The following ZBTB10 variants were observed in gnomAD, a reference collection of about 807,000 sequenced individuals.
The protein encoded by ZBTB10 is zinc finger and BTB domain-containing protein 10.
ZBTB10 carries 32 observed loss-of-function variants against 76.4 expected under a neutral mutation model. The ratio of observed to expected loss-of-function variants is 0.42; its 90% CI spans 0.32 to 0.56. The LOEUF is 0.56. Among genes scored for constraint, ZBTB10 ranks in the 20% least tolerant of loss-of-function variants. The pLI, the probability that ZBTB10 is intolerant of heterozygous loss-of-function variation, is 0.14. For missense variants in ZBTB10, 1,057 were observed against 1,098.5 expected (o/e 0.96, Z 0.53); for synonymous variants, 523 against 432.9 (o/e 1.21, Z -2.58).
In ZBTB10 at chr8:80,518,514, C is replaced by T; in HGVS notation, c.2072C>T (p.Ala691Val). ...NDFKYGLIPG[A>V]SNDFKYGLLP... ...TTCAAGTATGGATTGATACCAGGTG[C>T]TTCAAATGATTTCAAGTATGGATTA... The change falls in exon 4 of 6, where the codon GCT (alanine) becomes GTT (valine). Residue 691 changes from alanine to valine, a missense_variant. Physicochemically the swap from Ala to Val is moderately conservative, Grantham distance 64 (BLOSUM62 0). Transcript: ENST00000455036. 1 of 1,553,288 alleles carries T rather than the reference C, an allele frequency of 6.4e-7. No individual in the cohort carries two copies. Among genetic ancestry groups the T allele is most frequent in the Non-Finnish European group, 8.7e-7 (1 of 1,147,916 alleles).
In ZBTB10 at chr8:80,486,484, G is replaced by C. The variant is rs941731296; in HGVS notation, c.-327G>C. ...TCCGCTGCTCAACTTCGAAGGCCTC[G>C]CTCGCTGCAGGCTCGCTCCTCACCT... On this transcript the variant is annotated 5_prime_UTR_variant, in exon 1 of 6. Transcript: ENST00000455036. The C allele has an allele frequency of 2.0e-6, 2 of 985,194 alleles. No homozygotes were observed. Among genetic ancestry groups the C allele is most frequent in the Admixed American group, 1.2e-4 (2 of 16,288 alleles). The allele number at this position is 985,194 out of a possible 1,614,324, so 61.0% of individuals were successfully genotyped here.
At chr8:80,507,269 C>T (rs1310267481) in intron 2 of ZBTB10, among the ~76,000 whole-genome samples, 1 of 150,514 alleles carries the variant, frequency 6.6e-6, no homozygotes. Context: ...GACCATGCCA[C>T]TGCACTCCAG....
At position 80,489,580 on chromosome 8, in the gene ZBTB10, CAGA is replaced by C. The variant is rs1162160233; in HGVS notation, c.972+1804_972+1806del. Reference sequence around the variant, plus strand: ...TTAGCTCCTTTAGTGAACCTGAAATCAGAAGAAGGGGCATTAATTGGATAACCT... The same window carrying C: ...TTAGCTCCTTTAGTGAACCTGAAATCAGAAGGGGCATTAATTGGATAACCT... On this transcript the variant is annotated intron_variant, in intron 1 of 5. Coordinates refer to ENST00000455036, the MANE Select transcript of ZBTB10 (RefSeq NM_001105539.3). Among the ~76,000 whole-genome samples the C allele has an allele frequency of 3.3e-5, 5 of 152,158 alleles. No homozygotes were observed. The East Asian group carries it at 5.8e-4, about 18-fold the overall frequency.
chr8:80,500,134 G>C lies in ZBTB10; in HGVS notation c.1613G>C (p.Trp538Ser). The C allele has an allele frequency of 1.9e-6, 3 of 1,613,828 alleles. No homozygotes were observed. The highest frequency in any genetic ancestry group is 1.1e-5 in the South Asian group (1 of 91,052). ...IENYQMNDSS[W>S]VQDGSPEMAE... ...AACTACCAAATGAATGACAGTAGTT[G>C]GGTCCAGGATGGATCTCCTGAAATG... The change falls in exon 2 of 6, where the codon TGG (tryptophan) becomes TCG (serine). Residue 538 changes from tryptophan (W) to serine (S), a missense_variant. Trp to Ser is a radical substitution (Grantham distance 177). Transcript: ENST00000455036.
chr8:80,507,364 G>A (rs1245480588), intron 2 of ZBTB10, among the ~76,000 whole-genome samples: 2 of 151,816 alleles, frequency 1.3e-5, no homozygotes, highest in Admixed American at 1.3e-4. Flanking sequence ...TGTAATCCCA[G>A]CACTTTGGGA....
intron 1 of ZBTB10, among the ~76,000 whole-genome samples, chr8:80,498,781 T>C (rs1815850225): frequency 6.6e-6 from 1 of 152,224 alleles, no homozygotes; most frequent in Non-Finnish European, 1.5e-5. Flanking sequence ...TGAATACCTG[T>C]ATGATAAGAA....
chr8:80,497,467 T>C (rs1402780388), intron 1 of ZBTB10, among the ~76,000 whole-genome samples: 15 of 124,068 alleles, frequency 1.2e-4, no homozygotes, highest in Admixed American at 7.8e-4. Flanking sequence ...AACATTATTA[T>C]ATGGTGGGGG....
intron 1 of ZBTB10, among the ~76,000 whole-genome samples, chr8:80,491,754 T>C (rs1057107678): frequency 2.0e-5 from 3 of 152,250 alleles, no homozygotes; most frequent in Non-Finnish European, 4.4e-5. Context: ...TTAAAATTCC[T>C]TAATAACAGT....
At chr8:80,511,406 C>G (rs1290607122) in intron 2 of ZBTB10, among the ~76,000 whole-genome samples, 5 of 152,118 alleles carry the variant, frequency 3.3e-5, no homozygotes, top group African/African-American at 1.2e-4. Context: ...AAGACATGTC[C>G]TTGAACAGAC....
intron 3 of ZBTB10, among the ~76,000 whole-genome samples, chr8:80,516,069 A>G (rs1816318372): frequency 6.6e-6 from 1 of 152,106 alleles, no homozygotes; most frequent in Non-Finnish European, 1.5e-5. Context: ...TCAGTTTACA[A>G]ATGGTTTTAG....
chr8:80,485,768 C>T, upstream of ZBTB10: 1 of 1,533,212 alleles, frequency 6.5e-7, no homozygotes, highest in South Asian at 1.2e-5. Context: ...TGGGCACCGC[C>T]ACCCACCCTC....
rs914760539 is a variant in ZBTB10 at position 80,487,863 on chromosome 8, CG to C, written c.972+82del. 55 of 1,440,120 alleles carry C rather than the reference CG, an allele frequency of 3.8e-5. No homozygotes were observed. The African/African-American group carries it at 6.6e-4, about 17-fold the overall frequency. The allele number at this position is 1,440,120 out of a possible 1,614,324, so 89.2% of individuals were successfully genotyped here. ...CACTCCCTTCACCCCCACCCACCCC[CG>C]AAAAAAAACCTCAAAACCATTTTCC... On this transcript the variant is annotated intron_variant, in intron 1 of 5. Coordinates refer to ENST00000455036, the MANE Select transcript of ZBTB10 (RefSeq NM_001105539.3).
At chr8:80,518,734 TTC>T in intron 4 of ZBTB10, 46 bp from the exon 5 acceptor site, 2 of 1,535,338 alleles carry the variant, frequency 1.3e-6, no homozygotes, top group Middle Eastern at 2.1e-4. Context: ...ATAGCAAGTT[TTC>T]TGTTTAATGT....
At chr8:80,513,555 G>A (rs1031913416) in intron 2 of ZBTB10, among the ~76,000 whole-genome samples, 1 of 152,174 alleles carries the variant, frequency 6.6e-6, no homozygotes, top group Non-Finnish European at 1.5e-5. Context: ...TGAGCGTCAA[G>A]TACCATAATT....
chr8:80,512,034 G>C (rs1585858401), intron 2 of ZBTB10, among the ~76,000 whole-genome samples: 1 of 151,910 alleles, frequency 6.6e-6, no homozygotes, highest in Middle Eastern at 3.4e-3. Context: ...TTAAGGATTG[G>C]GCAAAGGAGT....
chr8:80,490,905 A>G (rs930528628), intron 1 of ZBTB10, among the ~76,000 whole-genome samples: 11 of 152,182 alleles, frequency 7.2e-5, no homozygotes, highest in East Asian at 1.9e-4. Context: ...AAAAATTACT[A>G]TCGCCTGGTG....
rs892959504 is a variant in ZBTB10, at chr8:80,525,585, G to C, written c.*6057G>C. The C allele has an allele frequency of 6.6e-6, 1 of 152,150 alleles. No homozygotes were observed. The highest frequency in any genetic ancestry group is 2.4e-5 in the African/African-American group (1 of 41,448). The allele number at this position is 152,150 out of a possible 1,614,324, so 9.4% of individuals were successfully genotyped here. On this transcript the variant is annotated 3_prime_UTR_variant, in exon 6 of 6. Coordinates refer to ENST00000455036, the MANE Select transcript of ZBTB10 (RefSeq NM_001105539.3). ...TATTGTAGAATTATTTAGGTTGAAAGAGACTGTAAGAGACTAATGAAGCAT... is the reference window on the plus strand; with the variant it reads ...TATTGTAGAATTATTTAGGTTGAAACAGACTGTAAGAGACTAATGAAGCAT...
chr8:80,509,625 C>T (rs1816140964), intron 2 of ZBTB10, among the ~76,000 whole-genome samples: 1 of 151,982 alleles, frequency 6.6e-6, no homozygotes, highest in Admixed American at 6.6e-5. Context: ...TTTAATGATA[C>T]CTTGTTTTGT....
At chr8:80,490,561 A>C (rs1369193923) in intron 1 of ZBTB10, among the ~76,000 whole-genome samples, 1 of 152,088 alleles carries the variant, frequency 6.6e-6, no homozygotes, top group Non-Finnish European at 1.5e-5. Context: ...TTGATCACCA[A>C]TCAGTTCTCC....
Sources: gnomAD v4.1 joint callset for allele counts (sites outside exome capture counted in the v4.1 genomes callset) on GRCh38, gnomAD v4.1.1 for gene constraint, MANE v1.5 for transcripts, NCBI Gene and HGNC (gene_info 2026-07-23, HGNC 2026-07-21) for gene names.